Variants in FLT1 observed in about 807,000 individuals in gnomAD.
FLT1 encodes fms related receptor tyrosine kinase 1.
Under a neutral mutation model 156.3 loss-of-function variants are expected in FLT1, and 49 were observed. The ratio of observed to expected loss-of-function variants is 0.31; its 90% confidence interval spans 0.25 to 0.40. FLT1 has a LOEUF of 0.40. Ranked by LOEUF, FLT1 falls within the 10% of genes least tolerant of loss-of-function variation. FLT1 has a pLI of 1.00. For missense variants in FLT1, 1,322 were observed against 1,637.2 expected (o/e 0.81, Z 3.32); for synonymous variants, 594 against 583.8 (o/e 1.02, Z -0.25).
chr13:28,425,179 T>C lies in FLT1; in HGVS notation c.1436+1980A>G, dbSNP rs140840252. Among the ~76,000 whole-genome samples the C allele has an allele frequency of 5.8e-3, 887 of 152,338 alleles. 14 individuals carry two copies. The highest frequency in any genetic ancestry group is 0.02 in the African/African-American group (845 of 41,566). On this transcript the variant is annotated intron_variant, in intron 10 of 29. Coordinates refer to ENST00000282397, the MANE Select transcript of FLT1 (RefSeq NM_002019.4). The stretch of plus-strand genomic sequence containing the variant: ...AATGTACATCGAGCTGTCATTCTTG[T>C]ACATCAAAGATGTGTACGTTTTTGG...
At chr13:28,337,379 T>C (rs116183762) in intron 17 of FLT1, among the ~76,000 whole-genome samples, 1,545 of 152,328 alleles carry the variant, frequency 0.01, 25 homozygotes, top group African/African-American at 0.035. Flanking sequence ...TAAAACAGCC[T>C]TTTCTCTCTA....
intron 11 of FLT1, among the ~76,000 whole-genome samples, chr13:28,401,083 G>A (rs1875404160): frequency 1.3e-5 from 2 of 152,080 alleles, no homozygotes; most frequent in Admixed American, 1.3e-4. Flanking sequence ...AAAATTAGCT[G>A]GGCATGGTGG....
At chr13:28,319,373 G>A (rs374995734) in intron 24 of FLT1, 50 bp downstream of exon 24, 3 of 1,187,130 alleles carry the variant, frequency 2.5e-6, no homozygotes, top group African/African-American at 1.5e-5. Context: ...AGCAGAAGAT[G>A]CAGACATTTA....
Position 28,429,825 on chromosome 13 carries a change from C to T in FLT1, c.1106+225G>A, listed in dbSNP as rs113025069. On this transcript the variant is annotated intron_variant, in intron 8 of 29. Coordinates refer to ENST00000282397, the MANE Select transcript of FLT1 (RefSeq NM_002019.4). ...GCCACAGTAAGAGACTAGACTGAAG[C>T]GAGCACTCAAACAAACCTCATCTCT... Among the ~76,000 whole-genome samples the T allele has an allele frequency of 5.9e-3, 900 of 152,228 alleles. 16 individuals carry two copies. The highest frequency in any genetic ancestry group is 0.021 in the African/African-American group (858 of 41,552).
intron 1 of FLT1, among the ~76,000 whole-genome samples, chr13:28,473,729 A>AGAAAGAAAGAAGGAAGGAAG (rs1566050283): frequency 7.1e-5 from 6 of 84,304 alleles, no homozygotes; most frequent in Non-Finnish European, 1.3e-4. Context: ...AAAGAAAGAA[A>AGAAAGAAAGAAGGAAGGAAG]GAAGGAAGGA....
At position 28,366,865 on chromosome 13, in the gene FLT1, A is replaced by C. The variant is rs73453242; in HGVS notation, c.2117-9180T>G. The stretch of plus-strand genomic sequence containing the variant: ...CTGGCACTTACCTTTTTGTCATAAA[A>C]TTGCTGACTTTCTTATCTGCCCACT... On this transcript the variant is annotated intron_variant, in intron 14 of 29. Coordinates refer to ENST00000282397, the MANE Select transcript of FLT1 (RefSeq NM_002019.4). Among the ~76,000 whole-genome samples, 672 of 152,298 alleles carry C rather than the reference A, an allele frequency of 4.4e-3. 1 individual carries two copies. Among genetic ancestry groups the C allele is most frequent in the African/African-American group, 0.015 (604 of 41,556 alleles).
At chr13:28,461,203 G>A (rs1054290506) in intron 3 of FLT1, among the ~76,000 whole-genome samples, 2 of 151,772 alleles carry the variant, frequency 1.3e-5, no homozygotes, top group Non-Finnish European at 2.9e-5. Flanking sequence ...GAATTTGGAG[G>A]CACATTTTTA....
At chr13:28,335,868 G>A (rs1872099346) in intron 17 of FLT1, among the ~76,000 whole-genome samples, 1 of 152,222 alleles carries the variant, frequency 6.6e-6, no homozygotes, top group South Asian at 2.1e-4. Context: ...AGAGCCTCCA[G>A]TGGATCCTGA....
intron 11 of FLT1, among the ~76,000 whole-genome samples, chr13:28,400,040 G>C (rs1201315825): frequency 6.6e-6 from 1 of 152,170 alleles, no homozygotes; most frequent in African/African-American, 2.4e-5. Context: ...AGACAGGCCT[G>C]GGCAGAATTT....
At position 28,390,648 on chromosome 13, in the gene FLT1, C is replaced by T. The variant is rs114391248; in HGVS notation, c.1661-544G>A. On this transcript the variant is annotated intron_variant, in intron 12 of 29. Coordinates refer to ENST00000282397, the MANE Select transcript of FLT1 (RefSeq NM_002019.4). ...CTGGCCTCAGGTGATCCATGCTCCT[C>T]GGCCTCCCAAAGTGCTGGGATTACA... 9.6e-3 allele frequency among the ~76,000 whole-genome samples: 1,465 copies of T among 152,244 alleles called. 16 individuals carry two copies. Among genetic ancestry groups the T allele is most frequent in the African/African-American group, 0.03 (1,266 of 41,536 alleles).
chr13:28,456,052 A>T (rs1879244984), intron 3 of FLT1, among the ~76,000 whole-genome samples: 1 of 152,216 alleles, frequency 6.6e-6, no homozygotes, highest in African/African-American at 2.4e-5. Context: ...ACTTTGGAAG[A>T]CGGTTTGGCA....
At chr13:28,389,025 A>G in intron 13 of FLT1, 1 of 1,064,588 alleles carries the variant, frequency 9.4e-7, no homozygotes, top group African/African-American at 1.6e-5. Flanking sequence ...GGGGACGTTG[A>G]TTTGGATGGA....
intron 1 of FLT1, among the ~76,000 whole-genome samples, chr13:28,489,420 C>A (rs1445392083): frequency 2.0e-5 from 3 of 152,086 alleles, no homozygotes; most frequent in African/African-American, 4.8e-5. Context: ...GACATGGGGT[C>A]TCTACCAAAG....
intron 3 of FLT1, among the ~76,000 whole-genome samples, chr13:28,461,122 G>A (rs1458839634): frequency 6.7e-6 from 1 of 148,780 alleles, no homozygotes; most frequent in Non-Finnish European, 1.5e-5. Flanking sequence ...ACAGGTGGAT[G>A]CCCCAGCTCC....
At chr13:28,329,575 T>C (rs997879882) in intron 19 of FLT1, 40 bp downstream of exon 19, 8 of 1,385,750 alleles carry the variant, frequency 5.8e-6, no homozygotes, top group Non-Finnish European at 8.2e-6. Context: ...TCCCAGCCTG[T>C]GCAGGGGGAG....
chr13:28,472,375 ACTAAAAGAGCCAACTC>A (rs761184058), intron 1 of FLT1, among the ~76,000 whole-genome samples: 2 of 152,256 alleles, frequency 1.3e-5, no homozygotes, highest in Non-Finnish European at 2.9e-5. Context: ...CATGATGGAT[ACTAAAAGAGCCAACTC>A]CCACTGGAGG....
At chr13:28,469,170 G>A (rs1291966912) in intron 1 of FLT1, among the ~76,000 whole-genome samples, 1 of 152,200 alleles carries the variant, frequency 6.6e-6, no homozygotes, top group Non-Finnish European at 1.5e-5. Context: ...TAGCAGGAGA[G>A]AGGAAAGAAA....
chr13:28,315,617 GTAAAAA>G (rs57155813), intron 25 of FLT1, among the ~76,000 whole-genome samples: 8,781 of 152,128 alleles, frequency 0.058, 778 homozygotes, highest in African/African-American at 0.2. Context: ...TTATATGGAA[GTAAAAA>G]TAAAACTTAA....
At chr13:28,486,406 G>T (rs2137665690) in intron 1 of FLT1, among the ~76,000 whole-genome samples, 1 of 152,356 alleles carries the variant, frequency 6.6e-6, no homozygotes, top group Non-Finnish European at 1.5e-5. Flanking sequence ...GAGCCATACT[G>T]ATCCCAGCAC....
Sources: allele counts gnomAD v4.1 joint callset (sites outside exome capture counted in the v4.1 genomes callset), GRCh38; gene constraint gnomAD v4.1.1; transcripts MANE v1.5; gene names NCBI Gene and HGNC (gene_info 2026-07-23, HGNC 2026-07-21).